Variants in ZMAT4 observed in about 807,000 individuals in gnomAD.
The protein encoded by ZMAT4 is zinc finger matrin-type 4, also known as zinc finger matrin-type protein 4.
ZMAT4 carries 17 observed loss-of-function variants against 28.7 expected under a neutral mutation model. That is an observed-to-expected ratio of 0.59 (90% confidence interval 0.41 to 0.89). The LOEUF (loss-of-function observed/expected upper bound fraction) is 0.89, where lower values mean the gene tolerates loss of function less well. ZMAT4 is among the 40% of genes least tolerant of loss of function. The pLI, the probability that ZMAT4 is intolerant of heterozygous loss-of-function variation, is 0.00. For synonymous variants in ZMAT4, 117 were observed against 109.2 expected (o/e 1.07, Z -0.44); for missense variants, 240 against 283.8 (o/e 0.85, Z 1.11).
intron 5 of ZMAT4, among the ~76,000 whole-genome samples, chr8:40,610,211 C>T (rs1454127218): frequency 1.3e-5 from 2 of 152,154 alleles, no homozygotes; most frequent in African/African-American, 4.8e-5. Context: ...TTATATAATA[C>T]ATCCAGGAAA....
chr8:40,720,321 A>G (rs1330844804), intron 3 of ZMAT4, among the ~76,000 whole-genome samples: 1 of 152,142 alleles, frequency 6.6e-6, no homozygotes, highest in Non-Finnish European at 1.5e-5. Context: ...ACTTAATAAA[A>G]TCTACACTTG....
At chr8:40,611,557 G>A (rs1805796437) in intron 5 of ZMAT4, among the ~76,000 whole-genome samples, 1 of 152,116 alleles carries the variant, frequency 6.6e-6, no homozygotes, top group Non-Finnish European at 1.5e-5. Flanking sequence ...AGCCAGGATG[G>A]TCTCGATCTC....
intron 1 of ZMAT4, among the ~76,000 whole-genome samples, chr8:40,860,861 C>A (rs983631642): frequency 1.3e-5 from 2 of 152,204 alleles, no homozygotes; most frequent in Non-Finnish European, 2.9e-5. Context: ...CCAGGGGAAG[C>A]ACCTGGCCCT....
At chr8:40,743,792 G>A (rs1213553832) in intron 3 of ZMAT4, among the ~76,000 whole-genome samples, 2 of 152,162 alleles carry the variant, frequency 1.3e-5, no homozygotes, top group Non-Finnish European at 2.9e-5. Context: ...GGCCGATTCT[G>A]GAGCCACAGA....
intron 5 of ZMAT4, among the ~76,000 whole-genome samples, chr8:40,659,592 A>T (rs776746687): frequency 6.6e-5 from 10 of 152,180 alleles, no homozygotes; most frequent in Non-Finnish European, 1.5e-4. Flanking sequence ...ATAAGCTTGA[A>T]CAATCTGATA....
chr8:40,602,151 A>G (rs1417287448), intron 5 of ZMAT4, among the ~76,000 whole-genome samples: 2 of 152,208 alleles, frequency 1.3e-5, no homozygotes, highest in Non-Finnish European at 2.9e-5. Context: ...CACTTAGAAT[A>G]ATGTCCTGCA....
intron 1 of ZMAT4, among the ~76,000 whole-genome samples, chr8:40,894,160 G>T (rs1818790719): frequency 6.6e-6 from 1 of 152,230 alleles, no homozygotes; most frequent in Admixed American, 6.5e-5. Flanking sequence ...CACAGTGAGG[G>T]CTTGCGGCTG....
intron 3 of ZMAT4, among the ~76,000 whole-genome samples, chr8:40,756,442 A>ATATATATATATACATATATATATAAAG (rs1812690108): frequency 8.0e-6 from 1 of 124,996 alleles, no homozygotes; most frequent in African/African-American, 2.9e-5. Flanking sequence ...ATATATATAT[A>ATATATATATATACATATATATATAAAG]TATATATATA....
intron 5 of ZMAT4, among the ~76,000 whole-genome samples, chr8:40,618,617 G>A (rs996903499): frequency 1.1e-4 from 16 of 150,164 alleles, no homozygotes; most frequent in South Asian, 2.1e-4. Context: ...TTGAAACTAT[G>A]TAGTCATTTT....
intron 1 of ZMAT4, among the ~76,000 whole-genome samples, chr8:40,866,384 G>A (rs554494218): frequency 5.9e-5 from 9 of 152,292 alleles, no homozygotes; most frequent in African/African-American, 9.6e-5. Flanking sequence ...GTGAATGTGC[G>A]TTCTGAGCCC....
intron 3 of ZMAT4, among the ~76,000 whole-genome samples, chr8:40,757,585 CA>C (rs1198724259): frequency 0.014 from 1,444 of 103,156 alleles, 19 homozygotes; most frequent in African/African-American, 0.039. Context: ...GACCCCATCT[CA>C]AAAAAAAAAA....
chr8:40,888,795 C>G (rs1818563007), intron 1 of ZMAT4, among the ~76,000 whole-genome samples: 2 of 152,248 alleles, frequency 1.3e-5, no homozygotes, highest in African/African-American at 4.8e-5. Flanking sequence ...CCCGCAGTAC[C>G]CAAAGTCCCT....
At chr8:40,574,889 C>T (rs142453266) in intron 6 of ZMAT4, among the ~76,000 whole-genome samples, 1,787 of 152,254 alleles carry the variant, frequency 0.012, 37 homozygotes, top group Middle Eastern at 0.031. Flanking sequence ...ATTCTTGTGG[C>T]TACATTACTC....
intron 1 of ZMAT4, among the ~76,000 whole-genome samples, chr8:40,894,418 C>A (rs1236878476): frequency 3.9e-5 from 6 of 152,042 alleles, no homozygotes; most frequent in Non-Finnish European, 8.8e-5. Context: ...CACCCTGGGG[C>A]CCCCTGAAAT....
At chr8:40,736,551 C>A (rs1235199712) in intron 3 of ZMAT4, among the ~76,000 whole-genome samples, 1 of 152,188 alleles carries the variant, frequency 6.6e-6, no homozygotes, top group Non-Finnish European at 1.5e-5. Context: ...GGCATCATGG[C>A]TGCCCAGAAG....
intron 5 of ZMAT4, among the ~76,000 whole-genome samples, chr8:40,660,820 G>A (rs376057315): frequency 2.4e-4 from 37 of 152,210 alleles, no homozygotes; most frequent in African/African-American, 8.4e-4. Context: ...CTCAGCTTTT[G>A]TTCATTTCTT....
intron 2 of ZMAT4, among the ~76,000 whole-genome samples, chr8:40,786,985 T>C (rs1814112754): frequency 6.6e-6 from 1 of 152,210 alleles, no homozygotes; most frequent in African/African-American, 2.4e-5. Flanking sequence ...AGAAATTTTT[T>C]CAATAAACAC....
chr8:40,585,805 C>A (rs979781329), intron 5 of ZMAT4, among the ~76,000 whole-genome samples: 6 of 152,120 alleles, frequency 3.9e-5, no homozygotes, highest in African/African-American at 1.4e-4. Flanking sequence ...TTATTTCTTC[C>A]AGAGTTCTCC....
At chr8:40,788,688 A>G (rs533134541) in intron 2 of ZMAT4, among the ~76,000 whole-genome samples, 15 of 152,226 alleles carry the variant, frequency 9.9e-5, no homozygotes, top group Admixed American at 7.9e-4. Flanking sequence ...AACTCTTCCC[A>G]AAATTGAAAA....
Sources: allele counts gnomAD v4.1 joint callset (sites outside exome capture counted in the v4.1 genomes callset), GRCh38; gene constraint gnomAD v4.1.1; transcripts MANE v1.5; gene names NCBI Gene and HGNC (gene_info 2026-07-23, HGNC 2026-07-21).